Variants in RIN2 observed in about 807,000 individuals in gnomAD.
RIN2 encodes the protein RAB5 interacting protein 2.
A neutral mutation model predicts 78.0 loss-of-function variants in RIN2; 36 were observed. The ratio of observed to expected loss-of-function variants is 0.46; its 90% confidence interval spans 0.35 to 0.61. The LOEUF (loss-of-function observed/expected upper bound fraction) is 0.61, where lower values mean the gene tolerates loss of function less well. Ranked by LOEUF, RIN2 falls within the 20% of genes least tolerant of loss-of-function variation. The pLI is 0.00. For missense variants in RIN2, 1,087 were observed against 1,159.7 expected (o/e 0.94, Z 0.91); for synonymous variants, 466 against 466.8 (o/e 1.00, Z 0.02).
intron 2 of RIN2, among the ~76,000 whole-genome samples, chr20:19,818,787 A>G (rs1467906035): frequency 6.6e-6 from 1 of 152,172 alleles, no homozygotes; most frequent in African/African-American, 2.4e-5. Flanking sequence ...GGCATGGATT[A>G]AAAGATATTT....
chr20:19,868,360 G>C (rs2037573753), intron 2 of RIN2, among the ~76,000 whole-genome samples: 1 of 152,208 alleles, frequency 6.6e-6, no homozygotes, highest in South Asian at 2.1e-4. Flanking sequence ...TTGAGTAACA[G>C]GGTAATTTTC....
At chr20:19,778,284 A>ATTTTAGG (rs1568743157) in intron 1 of RIN2, among the ~76,000 whole-genome samples, 3 of 152,256 alleles carry the variant, frequency 2.0e-5, no homozygotes, top group African/African-American at 4.8e-5. Flanking sequence ...GACCCTAAAA[A>ATTTTAGG]TCACTGAATC....
At chr20:19,809,743 C>T (rs553803942) in intron 2 of RIN2, 3 of 152,402 alleles carry the variant, frequency 2.0e-5, no homozygotes, top group African/African-American at 7.2e-5. Context: ...ATGATGGGGC[C>T]TCATGGGAGT....
chr20:19,913,123 G>T (rs1428020643), intron 3 of RIN2, among the ~76,000 whole-genome samples: 1 of 152,178 alleles, frequency 6.6e-6, no homozygotes, highest in Non-Finnish European at 1.5e-5. Flanking sequence ...AGGTCTCCAT[G>T]ACATATATTC....
rs766928705 is a variant in RIN2 at position 19,975,551 on chromosome 20, C to T, written c.1526C>T (p.Thr509Ile). Residue 509 changes from threonine to isoleucine, a missense_variant, in exon 9 of 13, where the codon ACC (threonine) becomes ATC (isoleucine). Transcript: ENST00000255006. The surrounding 1 kb of genome is among the most constrained non-coding windows in gnomAD (Gnocchi z 4.9). ...KVSGVFSSFMTPEKRMVRRIA... is the reference protein window; with the variant it reads ...KVSGVFSSFMIPEKRMVRRIA... ...AGCGGGGTGTTCAGCTCCTTCATGACCCCGGAGAAGCGGATGGTCCGCAGG... is the reference window on the plus strand; with the variant it reads ...AGCGGGGTGTTCAGCTCCTTCATGATCCCGGAGAAGCGGATGGTCCGCAGG... The T allele has an allele frequency of 6.2e-7, 1 of 1,614,044 alleles. No homozygotes were observed. The highest frequency in any genetic ancestry group is 2.2e-5 in the East Asian group (1 of 44,878).
intron 2 of RIN2, among the ~76,000 whole-genome samples, chr20:19,865,340 C>G (rs6046383): frequency 0.56 from 85,394 of 151,972 alleles, 24,828 homozygotes; most frequent in African/African-American, 0.68. Flanking sequence ...TGGGTAAATG[C>G]CTCTGAAGAG....
chr20:19,857,607 C>T (rs539296465), intron 2 of RIN2, among the ~76,000 whole-genome samples: 2 of 152,286 alleles, frequency 1.3e-5, no homozygotes, highest in East Asian at 3.9e-4. Context: ...TATGAGAGTT[C>T]CAGTTGCTAA....
chr20:19,807,297 A>G (rs1301951251), intron 2 of RIN2, among the ~76,000 whole-genome samples: 1 of 152,212 alleles, frequency 6.6e-6, no homozygotes, highest in Non-Finnish European at 1.5e-5. Flanking sequence ...TTGGCTTAAG[A>G]CCAATAAGGC....
At chr20:19,904,363 C>T (rs1207518488) in intron 3 of RIN2, among the ~76,000 whole-genome samples, 1 of 151,888 alleles carries the variant, frequency 6.6e-6, no homozygotes, top group African/African-American at 2.4e-5. Context: ...ATTGATTCCA[C>T]ACCTACAATG....
At chr20:19,758,928 A>T (rs1424256933) in intron 1 of RIN2, among the ~76,000 whole-genome samples, 1 of 152,120 alleles carries the variant, frequency 6.6e-6, no homozygotes, top group African/African-American at 2.4e-5. Flanking sequence ...GTGTCCGGGC[A>T]GGGGGCACTT....
rs1240304399 is a variant in RIN2 at position 19,941,555 on chromosome 20, A to G, written c.158+6356A>G. 1.3e-4 allele frequency among the ~76,000 whole-genome samples: 20 copies of G among 152,168 alleles called. 1 individual carries two copies. Among genetic ancestry groups the G allele is most frequent in the Admixed American group, 1.3e-3 (20 of 15,284 alleles). On this transcript the variant is annotated intron_variant, in intron 4 of 12. Coordinates refer to ENST00000255006, the MANE Select transcript of RIN2 (RefSeq NM_018993.4). ...AAAATCCACAGAGTAAACACATCAC[A>G]CATCGATGGCTTTGCTCACAAACCT... is the stretch of plus-strand genomic sequence containing the variant.
intron 4 of RIN2, chr20:19,935,408 T>G: frequency 7.7e-7 from 1 of 1,306,922 alleles, no homozygotes; most frequent in Non-Finnish European, 9.7e-7. Context: ...GCACTTGAAC[T>G]TTATACTCTC....
intron 4 of RIN2, among the ~76,000 whole-genome samples, chr20:19,938,201 CT>C (rs1345213608): frequency 6.6e-6 from 1 of 152,014 alleles, no homozygotes; most frequent in Non-Finnish European, 1.5e-5. Flanking sequence ...CCCTCCTTTT[CT>C]TTTTTTGTTT....
At chr20:19,875,068 C>G (rs972265379) in intron 2 of RIN2, among the ~76,000 whole-genome samples, 4 of 151,854 alleles carry the variant, frequency 2.6e-5, no homozygotes, top group Non-Finnish European at 5.9e-5. Context: ...GCTATGTTGT[C>G]CAGGCTGGTC....
intron 3 of RIN2, among the ~76,000 whole-genome samples, chr20:19,911,872 G>T (rs955566094): frequency 6.6e-6 from 1 of 152,198 alleles, no homozygotes; most frequent in Non-Finnish European, 1.5e-5. Context: ...TTTACAAAAT[G>T]AATCTCTTTG....
At chr20:19,971,214 T>C (rs1259853009) in intron 8 of RIN2, among the ~76,000 whole-genome samples, 3 of 151,872 alleles carry the variant, frequency 2.0e-5, no homozygotes, top group Non-Finnish European at 4.4e-5. Context: ...CACACGGGCA[T>C]TGACGGCACT....
chr20:19,925,651 G>A (rs564049309), intron 3 of RIN2, among the ~76,000 whole-genome samples: 49 of 152,290 alleles, frequency 3.2e-4, no homozygotes, highest in Non-Finnish European at 3.2e-4. Flanking sequence ...AGAAATAAAC[G>A]ATAAAAATAT....
chr20:19,825,768 C>T (rs188891716), intron 2 of RIN2, among the ~76,000 whole-genome samples: 158 of 152,314 alleles, frequency 1.0e-3, no homozygotes, highest in Non-Finnish European at 2.0e-3. Flanking sequence ...TAGGCTGCAC[C>T]TTGCCTCAGT....
At chr20:19,929,079 C>T (rs1362007048) in intron 3 of RIN2, among the ~76,000 whole-genome samples, 2 of 152,130 alleles carry the variant, frequency 1.3e-5, no homozygotes, top group South Asian at 2.1e-4. Flanking sequence ...CAACTTTGTG[C>T]CTTGTCAGCC....
Sources: gnomAD v4.1 joint callset for allele counts (sites outside exome capture counted in the v4.1 genomes callset) on GRCh38, gnomAD v4.1.1 for gene constraint, Gnocchi (gnomAD v3.1) non-coding constraint, MANE v1.5 for transcripts, NCBI Gene and HGNC (gene_info 2026-07-23, HGNC 2026-07-21) for gene names.